The following ADGRV1 variants were observed in gnomAD, a reference collection of about 807,000 sequenced individuals.
The protein encoded by ADGRV1 is G-protein coupled receptor 98.
In ADGRV1, 359 loss-of-function variants were observed where a neutral mutation model predicts 596.2. The ratio of observed to expected loss-of-function variants is 0.60; its 90% CI spans 0.55 to 0.66. ADGRV1 has a LOEUF of 0.66. Ranked by LOEUF, ADGRV1 falls within the 30% of genes least tolerant of loss-of-function variation. The pLI, the probability that ADGRV1 is intolerant of heterozygous loss-of-function variation, is 0.00. For missense variants in ADGRV1, 7,274 were observed against 7,575.6 expected (o/e 0.96, Z 1.48); for synonymous variants, 2,681 against 2,679.2 (o/e 1.00, Z -0.02).
chr5:90,910,094 G>C (rs1772721273), intron 83 of ADGRV1, among the ~76,000 whole-genome samples: 1 of 152,160 alleles, frequency 6.6e-6, no homozygotes, highest in East Asian at 1.9e-4. Flanking sequence ...GTTTATGCGT[G>C]CCTAGATTTG....
intron 83 of ADGRV1, among the ~76,000 whole-genome samples, chr5:90,890,606 A>C (rs777139618): frequency 4.2e-4 from 64 of 152,188 alleles, no homozygotes; most frequent in East Asian, 2.5e-3. Flanking sequence ...CACATAAGAA[A>C]CACTATACAA....
intron 85 of ADGRV1, among the ~76,000 whole-genome samples, chr5:91,067,574 A>T (rs1235627343): frequency 6.6e-6 from 1 of 152,216 alleles, no homozygotes; most frequent in Non-Finnish European, 1.5e-5. Context: ...AGTCAAAATG[A>T]TGTGTCATCA....
chr5:90,772,184 T>C (rs1280575748), intron 59 of ADGRV1, among the ~76,000 whole-genome samples: 2 of 152,178 alleles, frequency 1.3e-5, no homozygotes, highest in Non-Finnish European at 2.9e-5. Flanking sequence ...TACTTGTGAA[T>C]TTCCCTACTC....
chr5:90,800,895 G>T (rs551923766), intron 70 of ADGRV1, among the ~76,000 whole-genome samples: 1 of 151,408 alleles, frequency 6.6e-6, no homozygotes, highest in Admixed American at 6.5e-5. Flanking sequence ...ACACAGGGAG[G>T]GGAACATCAC....
chr5:90,632,123 A>G (rs1765582236), intron 9 of ADGRV1, among the ~76,000 whole-genome samples: 1 of 152,038 alleles, frequency 6.6e-6, no homozygotes, highest in Admixed American at 6.6e-5. Flanking sequence ...TCCCATAAGT[A>G]TATGTTTAAG....
chr5:91,126,897 C>G (rs1485946863), intron 87 of ADGRV1, among the ~76,000 whole-genome samples: 1 of 152,126 alleles, frequency 6.6e-6, no homozygotes, highest in Non-Finnish European at 1.5e-5. Flanking sequence ...AGGCAGCAAG[C>G]AGCATACCCA....
chr5:90,570,731 A>G (rs116260292), intron 1 of ADGRV1, among the ~76,000 whole-genome samples: 2,821 of 149,178 alleles, frequency 0.019, 84 homozygotes, highest in African/African-American at 0.065. Flanking sequence ...GAATTTCTCA[A>G]TGTAGTTATT....
At chr5:90,956,863 A>G (rs1777526355) in intron 83 of ADGRV1, among the ~76,000 whole-genome samples, 1 of 152,192 alleles carries the variant, frequency 6.6e-6, no homozygotes, top group African/African-American at 2.4e-5. Context: ...CTTAGGCATA[A>G]CTGTGTGACA....
chr5:90,588,641 G>A (rs1401859352), intron 1 of ADGRV1, among the ~76,000 whole-genome samples: 1 of 152,194 alleles, frequency 6.6e-6, no homozygotes, highest in East Asian at 1.9e-4. Context: ...GAAAACCAGA[G>A]GAGTGTGGTG....
At chr5:91,151,046 GAGC>G (rs779079951) in intron 88 of ADGRV1, among the ~76,000 whole-genome samples, 18 of 152,188 alleles carry the variant, frequency 1.2e-4, no homozygotes, top group Non-Finnish European at 2.1e-4. Context: ...TTATATTAAG[GAGC>G]CAAGGAAAAC....
At chr5:91,143,161 T>A (rs1266465091) in intron 87 of ADGRV1, among the ~76,000 whole-genome samples, 1 of 152,104 alleles carries the variant, frequency 6.6e-6, no homozygotes, top group Non-Finnish European at 1.5e-5. Context: ...GGGGACACAG[T>A]CATGCCCAGA....
At chr5:90,596,925 CA>C (rs960376651) in intron 1 of ADGRV1, among the ~76,000 whole-genome samples, 1 of 151,996 alleles carries the variant, frequency 6.6e-6, no homozygotes, top group Non-Finnish European at 1.5e-5. Context: ...CTTCTTAAAA[CA>C]AAAACAAAAA....
At position 91,024,598 on chromosome 5, in the gene ADGRV1, G is replaced by A. The variant is rs117080325; in HGVS notation, c.18152+39076G>A. 2.3e-3 allele frequency among the ~76,000 whole-genome samples: 346 copies of A among 152,026 alleles called. 11 individuals carry two copies. In the East Asian group the frequency reaches 0.055, roughly 24 times the overall value. ...TTCCTAATCCCTCAAAAATGCCCCTGATCGTAGGCATACTTCATAATGAAC... is the reference window on the plus strand; with the variant it reads ...TTCCTAATCCCTCAAAAATGCCCCTAATCGTAGGCATACTTCATAATGAAC... On this transcript the variant is annotated intron_variant, in intron 85 of 89. Coordinates refer to ENST00000405460, the MANE Select transcript of ADGRV1 (RefSeq NM_032119.4).
chr5:90,813,922 T>A (rs1003315150), intron 74 of ADGRV1, among the ~76,000 whole-genome samples: 1 of 152,200 alleles, frequency 6.6e-6, no homozygotes, highest in African/African-American at 2.4e-5. Flanking sequence ...TCTGGAATCA[T>A]TTTACTAGAA....
intron 78 of ADGRV1, among the ~76,000 whole-genome samples, chr5:90,843,200 T>C (rs1006817729): frequency 1.3e-5 from 2 of 152,102 alleles, no homozygotes; most frequent in Admixed American, 6.6e-5. Context: ...CATGTGAAAA[T>C]GGGCAGAACT....
intron 1 of ADGRV1, among the ~76,000 whole-genome samples, chr5:90,565,445 C>T (rs1755521193): frequency 6.6e-6 from 1 of 152,084 alleles, no homozygotes; most frequent in African/African-American, 2.4e-5. Context: ...AATATGTGGC[C>T]TTTTGTGTGT....
intron 85 of ADGRV1, among the ~76,000 whole-genome samples, chr5:91,055,526 C>A (rs1460172143): frequency 6.6e-6 from 1 of 152,070 alleles, no homozygotes; most frequent in African/African-American, 2.4e-5. Context: ...TTATATTTTA[C>A]AAATAAGGCT....
chr5:90,955,376 G>A (rs1401571757), intron 83 of ADGRV1, among the ~76,000 whole-genome samples: 1 of 151,944 alleles, frequency 6.6e-6, no homozygotes, highest in South Asian at 2.1e-4. Flanking sequence ...ATATTTTATT[G>A]TCTATACTTC....
chr5:90,679,464 T>C, intron 25 of ADGRV1, 85 bp from the exon 26 acceptor site: 1 of 829,554 alleles, frequency 1.2e-6, no homozygotes, highest in Non-Finnish European at 2.0e-6. Context: ...TTTTCCTCTT[T>C]GCTTGATATG....
Sources: gnomAD v4.1 joint callset for allele counts (sites outside exome capture counted in the v4.1 genomes callset) on GRCh38, gnomAD v4.1.1 for gene constraint, MANE v1.5 for transcripts, NCBI Gene and HGNC (gene_info 2026-07-23, HGNC 2026-07-21) for gene names.